The following BLM variants were observed in gnomAD, a reference collection of about 807,000 sequenced individuals.
BLM encodes the protein BLM RecQ like helicase.
In BLM, 95 loss-of-function variants were observed where a neutral mutation model predicts 135.3. The observed-to-expected ratio is 0.70, with a 90% CI of 0.59 to 0.83. The LOEUF (loss-of-function observed/expected upper bound fraction) is 0.83. Ranked by LOEUF, BLM falls within the 40% of genes least tolerant of loss-of-function variation. The pLI, the probability that BLM is intolerant of heterozygous loss-of-function variation, is 0.00. For synonymous variants in BLM, 520 were observed against 589.2 expected (o/e 0.88, Z 1.70); for missense variants, 1,518 against 1,663.9 (o/e 0.91, Z 1.53).
chr15:90,768,370 C>A (rs1896196573), intron 10 of BLM, among the ~76,000 whole-genome samples: 1 of 152,218 alleles, frequency 6.6e-6, no homozygotes, highest in Non-Finnish European at 1.5e-5. Context: ...CTCAAGCTGG[C>A]TTCTCTGTCC....
intron 7 of BLM, 106 bp downstream of exon 7, chr15:90,761,361 G>T: frequency 1.1e-6 from 1 of 932,266 alleles, no homozygotes. Flanking sequence ...AAACATTGTT[G>T]CTATGCAAAT....
At chr15:90,805,551 A>T (rs1897268817) in intron 19 of BLM, among the ~76,000 whole-genome samples, 1 of 151,486 alleles carries the variant, frequency 6.6e-6, no homozygotes, top group East Asian at 2.0e-4. Context: ...GCACTTTGGG[A>T]GGCCAAGGCA....
chr15:90,765,241 C>A, intron 8 of BLM, 55 bp from the exon 9 acceptor site: 1 of 1,363,328 alleles, frequency 7.3e-7, no homozygotes, highest in Non-Finnish European at 1.0e-6. Context: ...GTAACTTTTA[C>A]ATTCATGCTC....
At chr15:90,723,329 T>C (rs1894818801) in intron 1 of BLM, among the ~76,000 whole-genome samples, 1 of 151,686 alleles carries the variant, frequency 6.6e-6, no homozygotes, top group Non-Finnish European at 1.5e-5. Flanking sequence ...ACGTTGTAGA[T>C]ATAGTTTTTC....
chr15:90,729,900 C>A (rs1202016728), intron 1 of BLM, among the ~76,000 whole-genome samples: 3 of 152,208 alleles, frequency 2.0e-5, no homozygotes, highest in African/African-American at 7.2e-5. Flanking sequence ...GGCTGGAGTG[C>A]AGTGGCGTGA....
At chr15:90,789,816 G>C (rs950986801) in intron 14 of BLM, among the ~76,000 whole-genome samples, 2 of 151,922 alleles carry the variant, frequency 1.3e-5, no homozygotes. Context: ...AGTTTTATTT[G>C]TGAAGTGTAA....
At chr15:90,799,626 T>TAAAA (rs10600094) in intron 17 of BLM, among the ~76,000 whole-genome samples, 35 of 108,718 alleles carry the variant, frequency 3.2e-4, no homozygotes, top group African/African-American at 1.2e-3. Flanking sequence ...AAGATGCCTG[T>TAAAA]AAAAAAAAAA....
chr15:90,814,026 C>A (rs1897490597), intron 21 of BLM, among the ~76,000 whole-genome samples: 1 of 152,220 alleles, frequency 6.6e-6, no homozygotes, highest in Admixed American at 6.5e-5. Flanking sequence ...CAGGTTTTCT[C>A]TCTGGGCTTA....
At chr15:90,725,772 A>C (rs1894897097) in intron 1 of BLM, among the ~76,000 whole-genome samples, 1 of 151,566 alleles carries the variant, frequency 6.6e-6, no homozygotes, top group Non-Finnish European at 1.5e-5. Flanking sequence ...CGGCCTCCCA[A>C]AGTGCTGGGA....
intron 12 of BLM, among the ~76,000 whole-genome samples, chr15:90,781,530 G>T (rs914922693): frequency 4.6e-5 from 7 of 152,158 alleles, no homozygotes; most frequent in Admixed American, 2.0e-4. Flanking sequence ...GGAGGCTGAG[G>T]CAGGAGAATT....
chr15:90,773,368 C>T (rs781419946), intron 12 of BLM, among the ~76,000 whole-genome samples: 1 of 151,866 alleles, frequency 6.6e-6, no homozygotes, highest in Non-Finnish European at 1.5e-5. Context: ...TGCAGTGATC[C>T]AAGATCATAC....
intron 1 of BLM, among the ~76,000 whole-genome samples, chr15:90,743,745 G>A (rs1232724557): frequency 1.3e-5 from 2 of 152,190 alleles, no homozygotes; most frequent in Non-Finnish European, 2.9e-5. Flanking sequence ...GATGGAGTAT[G>A]TACAGAAGAG....
chr15:90,733,758 C>T (rs528109138), intron 1 of BLM, among the ~76,000 whole-genome samples: 1 of 151,198 alleles, frequency 6.6e-6, no homozygotes, highest in African/African-American at 2.5e-5. Context: ...ATCCATCACT[C>T]TCAAAAGTTT....
intron 1 of BLM, among the ~76,000 whole-genome samples, chr15:90,718,880 G>T (rs1280308516): frequency 6.6e-6 from 1 of 152,168 alleles, no homozygotes; most frequent in Non-Finnish European, 1.5e-5. Context: ...CCTATGAGCA[G>T]GAAGGGAAGG....
chr15:90,735,215 C>T (rs1895177375), intron 1 of BLM, among the ~76,000 whole-genome samples: 2 of 132,910 alleles, frequency 1.5e-5, no homozygotes, highest in Admixed American at 1.6e-4. Context: ...AGGACAACAA[C>T]ATCATAAAAG....
At chr15:90,786,124 G>A (rs1480379236) in intron 14 of BLM, among the ~76,000 whole-genome samples, 12 of 150,692 alleles carry the variant, frequency 8.0e-5, no homozygotes, top group Non-Finnish European at 5.9e-5. Context: ...CAAGTAGCTA[G>A]GACGACAGGC....
Position 90,803,558 on chromosome 15 carries a change from A to G in BLM, c.3396A>G (p.Gly1132=), listed in dbSNP as rs1897213577. ...CAAAAATCCAGTCAGGTATATTTGGAAAAGGATCTGCTTATTCACGACACA... is the reference window on the plus strand; with the variant it reads ...CAAAAATCCAGTCAGGTATATTTGGGAAAGGATCTGCTTATTCACGACACA... ...KSAKIQSGIF[G]KGSAYSRHNA... is the part of the protein sequence containing the mutation. Residue 1132 remains glycine (G), a synonymous_variant, in exon 18 of 22, where the codon GGA becomes GGG. Transcript: ENST00000355112. The G allele has an allele frequency of 1.2e-6, 2 of 1,613,808 alleles. No homozygotes were observed. The highest frequency in any genetic ancestry group is 1.7e-6 in the Non-Finnish European group (2 of 1,179,814).
chr15:90,765,318 C>A lies in BLM; in HGVS notation c.2097C>A (p.Tyr699Ter), dbSNP rs1896092339. The A allele has an allele frequency of 6.2e-7, 1 of 1,612,894 alleles. No individual in the cohort carries two copies. The highest frequency in any genetic ancestry group is 8.5e-7 in the Non-Finnish European group (1 of 1,178,938). The change falls in exon 9 of 22, where the codon TAC becomes TAA. Residue 699 changes from tyrosine to a stop codon, truncating the protein, a stop_gained. Coordinates refer to ENST00000355112, the MANE Select transcript of BLM (RefSeq NM_000057.4). LOFTEE classifies it high-confidence loss of function. ...MPTGGGKSLC[Y>*]QLPACVSPGV... Reference sequence around the variant, plus strand: ...CAGGAGGTGGTAAGAGTTTGTGTTACCAGCTCCCTGCCTGTGTTTCTCCTG... The same window carrying A: ...CAGGAGGTGGTAAGAGTTTGTGTTAACAGCTCCCTGCCTGTGTTTCTCCTG...
chr15:90,742,998 C>CT (rs11306432), intron 1 of BLM, among the ~76,000 whole-genome samples: 9,415 of 140,012 alleles, frequency 0.067, 410 homozygotes, highest in Non-Finnish European at 0.099. Context: ...TTTCCTGTGA[C>CT]TTTTTTTTTT....
Sources: allele counts gnomAD v4.1 joint callset (sites outside exome capture counted in the v4.1 genomes callset), GRCh38; gene constraint gnomAD v4.1.1; transcripts MANE v1.5; gene names NCBI Gene and HGNC (gene_info 2026-07-23, HGNC 2026-07-21).